Variants in RNF213 observed in about 807,000 individuals in gnomAD.
The protein encoded by RNF213 is E3 ubiquitin-protein ligase RNF213.
Under a neutral mutation model 514.4 loss-of-function variants are expected in RNF213, and 341 were observed. The observed-to-expected ratio is 0.66, with a 90% confidence interval of 0.61 to 0.73. The LOEUF is 0.73. Ranked by LOEUF, RNF213 falls within the 30% of genes least tolerant of loss-of-function variation. The pLI is 0.00. For synonymous variants in RNF213, 2,655 were observed against 2,658.2 expected, an observed-to-expected ratio of 1.00 and a Z score of 0.04; for missense variants, 5,767 against 6,615.6, an observed-to-expected ratio of 0.87 and a Z score of 4.45.
Position 80,340,069 on chromosome 17 carries a change from G to C in RNF213, c.5702G>C (p.Ser1901Thr). 1 of 1,585,314 alleles carries C rather than the reference G, an allele frequency of 6.3e-7. No individual in the cohort carries two copies. The highest frequency in any genetic ancestry group is 8.6e-7 in the Non-Finnish European group (1 of 1,169,004). Residue 1901 changes from serine (S) to threonine (T), a missense_variant, in exon 26 of 68, where the codon AGC becomes ACC. Around this residue, in one of 13 missense-constraint regions of RNF213, gnomAD observed 1,377 missense variants for 1,635.2 expected, o/e 0.84. Transcript: ENST00000582970. ...VYSLLFADQLSYEVARQAEEL... is the reference protein window; with the variant it reads ...VYSLLFADQLTYEVARQAEEL... ...AGCCTGCTGTTCGCAGATCAGCTGA[G>C]CTACGAGGTGGCACGCCAAGCGGAG...
Position 80,374,547 on chromosome 17 carries a change from T to C in RNF213, c.13032T>C (p.Ala4344=). The C allele has an allele frequency of 6.2e-7, 1 of 1,614,210 alleles. No homozygotes were observed. Among genetic ancestry groups the C allele is most frequent in the Non-Finnish European group, 8.5e-7 (1 of 1,180,038 alleles). ...CTCTCCGTGATGCTGTGGCCAAAGC[T>C]GTCCTCGAGTGCAAGCCACTGGGCA... ...YKALRDAVAK[A]VLECKPLGIK... is the part of the protein sequence containing the mutation. Residue 4344 remains alanine (A), a synonymous_variant, in exon 50 of 68, where the codon GCT becomes GCC. Coordinates refer to ENST00000582970, the MANE Select transcript of RNF213 (RefSeq NM_001256071.3).
chr17:80,307,300 C>A, intron 13 of RNF213, 99 bp downstream of exon 13: 1 of 892,742 alleles, frequency 1.1e-6, no homozygotes, highest in Non-Finnish European at 1.9e-6. Context: ...GCTGTTGTAA[C>A]AGCAAGGTCA....
chr17:80,318,618 G>C (rs540998014), intron 16 of RNF213, among the ~76,000 whole-genome samples: 9 of 152,000 alleles, frequency 5.9e-5, no homozygotes, highest in African/African-American at 1.4e-4. Context: ...CTATCGCCCA[G>C]GCTGGAGTGC....
intron 2 of RNF213, among the ~76,000 whole-genome samples, chr17:80,268,388 T>C (rs530939636): frequency 6.2e-5 from 9 of 144,348 alleles, no homozygotes; most frequent in East Asian, 2.1e-4. Context: ...AAGGCAGTAC[T>C]GCATCCCCGG....
rs1282537927 is a variant in RNF213 at position 80,394,633 on chromosome 17, G to A, written c.*1135G>A. 1 of 152,180 alleles carries A rather than the reference G, an allele frequency of 6.6e-6. No homozygotes were observed. The highest frequency in any genetic ancestry group is 2.1e-4 in the South Asian group (1 of 4,830). 9.4% of individuals were successfully genotyped at this position (152,180 alleles called of 1,614,324 possible). A position where few individuals can be genotyped will look rare whatever the true frequency, so the allele number is the denominator to read the frequency against. ...AGTATCCTTAATATTCATTCTAAAT[G>A]AGTTAACGACTTAACTTGAAATTGG... On this transcript the variant is annotated 3_prime_UTR_variant, in exon 68 of 68. Coordinates refer to ENST00000582970, the MANE Select transcript of RNF213 (RefSeq NM_001256071.3).
At chr17:80,365,274 AAGG>A (rs2144420007) in intron 42 of RNF213, 1 of 153,528 alleles carries the variant, frequency 6.5e-6, no homozygotes, top group East Asian at 1.9e-4. Flanking sequence ...GGTTTACTAA[AAGG>A]AGGCCAGCAT....
At position 80,311,108 on chromosome 17, in the gene RNF213, G is replaced by GA. The variant is rs1555651576; in HGVS notation, c.2656-1901dup. 2.0e-4 allele frequency among the ~76,000 whole-genome samples: 30 copies of GA among 152,224 alleles called. No individual in the cohort carries two copies. The East Asian group carries it at 2.5e-3, about 13-fold the overall frequency. On this transcript the variant is annotated intron_variant, in intron 14 of 67. Transcript: ENST00000582970. ...AGTTACTTAGGATTTATTTTCTACA[G>GA]AAATAACTATCTTAAATGTTGGCTG...
Position 80,264,671 on chromosome 17 carries a change from G to A in RNF213, c.97+893G>A, listed in dbSNP as rs2043546423. Among the ~76,000 whole-genome samples, 1 of 151,922 alleles carries A rather than the reference G, an allele frequency of 6.6e-6. No homozygotes were observed. Among genetic ancestry groups the A allele is most frequent in the African/African-American group, 2.4e-5 (1 of 41,328 alleles). On this transcript the variant is annotated intron_variant, in intron 2 of 67. Coordinates refer to ENST00000582970, the MANE Select transcript of RNF213 (RefSeq NM_001256071.3). This position sits in a 1 kb window ranked among gnomAD's most constrained non-coding sequence, Gnocchi z 5.0. ...GCCCTGCTGGTCTCCCCGCCTCCAC[G>A]CTGCATGCTGCCTTCCTGCTTCCTG...
intron 58 of RNF213, 138 bp downstream of exon 58, chr17:80,383,208 C>T: frequency 1.4e-6 from 1 of 698,798 alleles, no homozygotes; most frequent in Non-Finnish European, 2.6e-6. Context: ...GATTCCAATG[C>T]TCCCCACCTC....
At chr17:80,324,648 T>A (rs1274149160) in intron 17 of RNF213, among the ~76,000 whole-genome samples, 2 of 152,166 alleles carry the variant, frequency 1.3e-5, no homozygotes, top group Non-Finnish European at 1.5e-5. Context: ...GGCAGCTTTT[T>A]AAAAGAATTA....
chr17:80,391,874 G>A (rs554039886), intron 67 of RNF213, among the ~76,000 whole-genome samples: 3 of 146,362 alleles, frequency 2.0e-5, no homozygotes, highest in African/African-American at 5.0e-5. Flanking sequence ...GGGTTCAAGC[G>A]ATTCTCCTGC....
chr17:80,356,694 A>C (rs2078838159), intron 36 of RNF213, among the ~76,000 whole-genome samples: 1 of 152,196 alleles, frequency 6.6e-6, no homozygotes, highest in Admixed American at 6.5e-5. Flanking sequence ...CGCCTCTCCC[A>C]GCGCTTGTCC....
At chr17:80,382,065 G>C in intron 57 of RNF213, 1 of 346,704 alleles carries the variant, frequency 2.9e-6, no homozygotes, top group East Asian at 6.7e-5. Context: ...AGTCAGCCCC[G>C]TAGGTCATTC....
chr17:80,278,631 C>A, intron 3 of RNF213: 1 of 1,131,568 alleles, frequency 8.8e-7, no homozygotes, highest in Non-Finnish European at 1.2e-6. Context: ...CTGGTCAGTG[C>A]CCACATGTGG....
Position 80,396,441 on chromosome 17 carries a change from T to G in RNF213, c.*2943T>G, listed in dbSNP as rs1337492904. 6.6e-6 allele frequency: 1 copy of G among 152,130 alleles called. No individual in the cohort carries two copies. The highest frequency in any genetic ancestry group is 1.5e-5 in the Non-Finnish European group (1 of 68,018). The allele number at this position is 152,130 out of a possible 1,614,324, so 9.4% of individuals were successfully genotyped here. A position where few individuals can be genotyped will look rare whatever the true frequency, so the allele number is the denominator to read the frequency against. The stretch of plus-strand genomic sequence containing the variant: ...AGTGATAAATATTGGGAAGAAAATG[T>G]CAGCTCAGGGCCAAGTAGGTAAAGC... On this transcript the variant is annotated 3_prime_UTR_variant, in exon 68 of 68. Transcript: ENST00000582970.
intron 3 of RNF213, among the ~76,000 whole-genome samples, chr17:80,280,877 A>G (rs892867052): frequency 1.3e-5 from 2 of 152,100 alleles, no homozygotes; most frequent in Admixed American, 1.3e-4. Flanking sequence ...ACGGGTGGAA[A>G]CATTCCCACG....
intron 11 of RNF213, among the ~76,000 whole-genome samples, chr17:80,300,665 T>A (rs555960668): frequency 1.3e-5 from 2 of 152,272 alleles, no homozygotes; most frequent in East Asian, 3.9e-4. Flanking sequence ...GTGATTGTCC[T>A]GCCTCAGTCT....
chr17:80,343,224 C>T lies in RNF213; in HGVS notation c.6082C>T (p.Pro2028Ser). Residue 2028 changes from proline to serine, a missense_variant, in exon 27 of 68, where the codon CCT becomes TCT. Around this residue, in one of 13 missense-constraint regions of RNF213, gnomAD observed 1,377 missense variants for 1,635.2 expected, o/e 0.84. Transcript: ENST00000582970. This position sits in a 1 kb window ranked among gnomAD's most constrained non-coding sequence, Gnocchi z 4.3. ...VPLKTIRLID[P>S]QVDESRVLGA... ...TCTGAAAACAATTCGACTGATCGAC[C>T]CTCAGGTGGATGAGAGCCGAGTCCT... The T allele has an allele frequency of 3.7e-6, 6 of 1,613,980 alleles. No individual in the cohort carries two copies. The highest frequency in any genetic ancestry group is 2.2e-5 in the East Asian group (1 of 44,882).
rs1055653933 is a variant in RNF213 at position 80,338,097 on chromosome 17, T to G, written c.4833+100T>G. ...AACGGAAAGGATTTGACTTGGGATT[T>G]GACTGATAAGAAGGGCTCTGCTCTT... On this transcript the variant is annotated intron_variant, in intron 25 of 67. Transcript: ENST00000582970. 6.4e-6 allele frequency: 9 copies of G among 1,404,228 alleles called. No individual in the cohort carries two copies. In the African/African-American group the frequency reaches 1.1e-4, roughly 18 times the overall value. 87.0% of individuals were successfully genotyped at this position (1,404,228 alleles called of 1,614,324 possible). A position where few individuals can be genotyped will look rare whatever the true frequency, so the allele number is the denominator to read the frequency against.
Sources: allele counts gnomAD v4.1 joint callset (sites outside exome capture counted in the v4.1 genomes callset), GRCh38; gene constraint gnomAD v4.1.1; regional missense constraint gnomAD v4.1.1; non-coding constraint Gnocchi (gnomAD v3.1); transcripts MANE v1.5; gene names NCBI Gene and HGNC (gene_info 2026-07-23, HGNC 2026-07-21).